The following LARS2 variants were observed in gnomAD, a reference collection of about 807,000 sequenced individuals.
The protein encoded by LARS2 is leucine--tRNA ligase, mitochondrial.
LARS2 carries 81 observed loss-of-function variants against 116.6 expected under a neutral mutation model. The ratio of observed to expected loss-of-function variants is 0.69; its 90% CI spans 0.58 to 0.84. LARS2 has a LOEUF of 0.84. LARS2 is among the 40% of genes least tolerant of loss of function. The pLI is 0.00. For synonymous variants in LARS2, 396 were observed against 407.2 expected (o/e 0.97, Z 0.33); for missense variants, 968 against 1,114.5 (o/e 0.87, Z 1.87).
chr3:45,415,445 C>T (rs1311700832), intron 4 of LARS2, among the ~76,000 whole-genome samples: 2 of 152,170 alleles, frequency 1.3e-5, no homozygotes, highest in Non-Finnish European at 2.9e-5. Context: ...GGTAGTTATG[C>T]TATCATCCCC....
intron 4 of LARS2, among the ~76,000 whole-genome samples, chr3:45,415,377 G>A (rs919457912): frequency 6.6e-6 from 1 of 152,138 alleles, no homozygotes; most frequent in African/African-American, 2.4e-5. Flanking sequence ...TTACTGTGTG[G>A]CAGGCACTAT....
rs901979830 is a variant in LARS2 at position 45,430,421 on chromosome 3, G to C, written c.516+10692G>C. 8.0e-5 allele frequency among the ~76,000 whole-genome samples: 12 copies of C among 150,834 alleles called. No homozygotes were observed. In the East Asian group the frequency reaches 2.2e-3, roughly 27 times the overall value. On this transcript the variant is annotated intron_variant, in intron 6 of 21. Transcript: ENST00000645846. ...AGCCTCCTGAGTAGCTGGGACTACAGGCGCCTGCCACCATGCCCCGCTAAA... is the reference window on the plus strand; with the variant it reads ...AGCCTCCTGAGTAGCTGGGACTACACGCGCCTGCCACCATGCCCCGCTAAA...
intron 11 of LARS2, among the ~76,000 whole-genome samples, chr3:45,487,835 CT>C (rs1309774112): frequency 6.6e-6 from 1 of 152,142 alleles, no homozygotes; most frequent in Non-Finnish European, 1.5e-5. Context: ...CTTGGCCCCC[CT>C]GGGTGAGTGA....
chr3:45,404,492 AT>A (rs1195021068), intron 4 of LARS2, among the ~76,000 whole-genome samples: 1 of 152,202 alleles, frequency 6.6e-6, no homozygotes, highest in Non-Finnish European at 1.5e-5. Context: ...CTGAGATTGA[AT>A]AAACTTGGAC....
At chr3:45,449,761 T>G (rs1180906849) in intron 7 of LARS2, among the ~76,000 whole-genome samples, 1 of 152,236 alleles carries the variant, frequency 6.6e-6, no homozygotes, top group East Asian at 1.9e-4. Flanking sequence ...GGAATAAACT[T>G]TATAAAGTTA....
chr3:45,394,838 A>C, intron 3 of LARS2, 151 bp downstream of exon 3: 1 of 628,314 alleles, frequency 1.6e-6, no homozygotes. Context: ...CTTATCTGAG[A>C]TGGAGAGTGA....
chr3:45,394,905 TG>T (rs1559453970), intron 3 of LARS2, among the ~76,000 whole-genome samples: 1 of 152,122 alleles, frequency 6.6e-6, no homozygotes, highest in African/African-American at 2.4e-5. Context: ...GAGGCATAAA[TG>T]AGGTGATACA....
chr3:45,495,962 C>A (rs1441100821), intron 13 of LARS2, among the ~76,000 whole-genome samples: 1 of 152,058 alleles, frequency 6.6e-6, no homozygotes, highest in Non-Finnish European at 1.5e-5. Flanking sequence ...CGGGTTCAAG[C>A]CATTCTCCTA....
At chr3:45,476,441 G>A in intron 9 of LARS2, 27 bp from the exon 10 acceptor site, 1 of 1,613,428 alleles carries the variant, frequency 6.2e-7, no homozygotes, top group Non-Finnish European at 8.5e-7. Context: ...ACTGAGAAAT[G>A]ACATCACTCT....
chr3:45,473,691 G>GTT (rs763467707), intron 8 of LARS2, among the ~76,000 whole-genome samples: 66 of 127,300 alleles, frequency 5.2e-4, no homozygotes, highest in Admixed American at 1.5e-3. Flanking sequence ...GCCTGTTGTT[G>GTT]TTTTTTTTTT....
Position 45,517,867 on chromosome 3 carries a change from C to T in LARS2, c.2045-36C>T, listed in dbSNP as rs557280191. The stretch of plus-strand genomic sequence containing the variant: ...CCAAGTCAATCACCCTTATGTTGCA[C>T]GCTCTCTCTTTCTCATTTACTGATG... On this transcript the variant is annotated intron_variant, in intron 17 of 21. Coordinates refer to ENST00000645846, the MANE Select transcript of LARS2 (RefSeq NM_015340.4). The T allele has an allele frequency of 5.3e-4, 838 of 1,571,544 alleles. 11 individuals are homozygous for T. The South Asian group carries it at 8.7e-3, about 16-fold the overall frequency.
chr3:45,497,114 A>C (rs1700026286), intron 14 of LARS2, among the ~76,000 whole-genome samples: 1 of 152,200 alleles, frequency 6.6e-6, no homozygotes, highest in Non-Finnish European at 1.5e-5. Context: ...ATCAATAAAG[A>C]GTATAAACAT....
rs1163473923 is a variant in LARS2, at chr3:45,446,930, C to T, written c.556C>T (p.Gln186Ter). The T allele has an allele frequency of 8.1e-6, 13 of 1,611,514 alleles. No individual in the cohort carries two copies. The highest frequency in any genetic ancestry group is 2.7e-5 in the African/African-American group (2 of 74,804). The part of the protein sequence containing the change: ...TCLPDYYKWT[Q>*]YLFIKLYEAG... ...TTTGCCAGATTACTACAAGTGGACTCAGTATCTCTTTATTAAACTGTATGA... is the reference window on the plus strand; with the variant it reads ...TTTGCCAGATTACTACAAGTGGACTTAGTATCTCTTTATTAAACTGTATGA... The change falls in exon 7 of 22, where the codon CAG becomes TAG. Residue 186 changes from glutamine (Q) to a stop codon, truncating the protein, a stop_gained. Transcript: ENST00000645846. LOFTEE classifies it high-confidence loss of function.
intron 18 of LARS2, among the ~76,000 whole-genome samples, chr3:45,519,962 T>C (rs979603079): frequency 3.3e-5 from 5 of 152,286 alleles, no homozygotes; most frequent in Middle Eastern, 3.4e-3. Context: ...GCACTGTTTT[T>C]CTAAGCACCT....
chr3:45,404,258 CTAGGTT>C (rs1382227751), intron 4 of LARS2, among the ~76,000 whole-genome samples: 4 of 152,202 alleles, frequency 2.6e-5, no homozygotes, highest in African/African-American at 4.8e-5. Flanking sequence ...AGGGTGTTCT[CTAGGTT>C]CTCCTGAAAT....
chr3:45,415,642 G>A (rs1698400492), intron 4 of LARS2, among the ~76,000 whole-genome samples: 1 of 152,064 alleles, frequency 6.6e-6, no homozygotes, highest in African/African-American at 2.4e-5. Context: ...GAGGCCAGGA[G>A]TTCAAGACCA....
chr3:45,442,758 G>T (rs1371144102), intron 6 of LARS2, among the ~76,000 whole-genome samples: 1 of 152,112 alleles, frequency 6.6e-6, no homozygotes, highest in Non-Finnish European at 1.5e-5. Context: ...TCACTTAACC[G>T]CCTCCATCTT....
intron 8 of LARS2, among the ~76,000 whole-genome samples, chr3:45,465,979 A>G (rs999835585): frequency 1.2e-4 from 18 of 152,250 alleles, no homozygotes; most frequent in Non-Finnish European, 1.8e-4. Flanking sequence ...AAACTTCTGC[A>G]GTCTCTGGGT....
intron 6 of LARS2, among the ~76,000 whole-genome samples, chr3:45,444,001 C>G (rs942890253): frequency 7.9e-6 from 1 of 127,172 alleles, no homozygotes; most frequent in African/African-American, 2.5e-5. Context: ...CTAGATCTAT[C>G]CTCTTTTTTT....
Sources: allele counts gnomAD v4.1 joint callset (sites outside exome capture counted in the v4.1 genomes callset), GRCh38; gene constraint gnomAD v4.1.1; transcripts MANE v1.5; gene names NCBI Gene and HGNC (gene_info 2026-07-23, HGNC 2026-07-21).